Variants in SOCS3 observed in about 807,000 individuals in gnomAD.
SOCS3 encodes STAT-induced STAT inhibitor 3.
In SOCS3, 5 loss-of-function variants were observed where a neutral mutation model predicts 11.7. The observed-to-expected ratio is 0.43, with a 90% CI of 0.22 to 0.90. The LOEUF (loss-of-function observed/expected upper bound fraction) is 0.90. SOCS3 is among the 40% of genes least tolerant of loss of function. The pLI, the probability that SOCS3 is intolerant of heterozygous loss-of-function variation, is 0.27. For missense variants in SOCS3, 203 were observed against 302.0 expected (o/e 0.67, Z 2.43); for synonymous variants, 143 against 136.3 (o/e 1.05, Z -0.34).
chr17:78,358,801 C>G lies in SOCS3; in HGVS notation c.295G>C (p.Gly99Arg). The change falls in exon 2 of 2, where the codon GGG becomes CGG. Residue 99 changes from glycine to arginine, a missense_variant. Transcript: ENST00000330871. This position sits in a 1 kb window ranked among gnomAD's most constrained non-coding sequence, Gnocchi z 4.7. ...GTKNLRIQCEGGSFSLQSDPR... is the reference protein window; with the variant it reads ...GTKNLRIQCERGSFSLQSDPR... ...TCGCTCTGCAGAGAGAAGCTGCCCC[C>G]CTCACACTGGATGCGCAGGTTCTTG... The G allele has an allele frequency of 1.2e-6, 2 of 1,613,206 alleles. No homozygotes were observed. The highest frequency in any genetic ancestry group is 1.3e-5 in the African/African-American group (1 of 75,046).
At chr17:78,359,518 C>T (rs1179701854) in intron 1 of SOCS3, among the ~76,000 whole-genome samples, 1 of 152,066 alleles carries the variant, frequency 6.6e-6, no homozygotes, top group Non-Finnish European at 1.5e-5. Flanking sequence ...CCAGTAGCCC[C>T]GGGCGGTGTG....
At position 78,359,078 on chromosome 17, in the gene SOCS3, C is replaced by T. The variant is rs895065588; in HGVS notation, c.18G>A (p.Lys6=). MVTHS[K]FPAAGMSRPL... is the part of the protein sequence containing the mutation. ...GGCGGCTCATCCCGGCGGCGGGAAA[C>T]TTGCTGTGGGTGACCATGGCGCACG... The change falls in exon 2 of 2, where the codon AAG becomes AAA. Residue 6 remains lysine, a synonymous_variant. Coordinates refer to ENST00000330871, the MANE Select transcript of SOCS3 (RefSeq NM_003955.5). 8 of 1,563,676 alleles carry T rather than the reference C, an allele frequency of 5.1e-6. No individual in the cohort carries two copies. The highest frequency in any genetic ancestry group is 6.1e-6 in the Non-Finnish European group (7 of 1,154,608).
chr17:78,358,184 G>A lies in SOCS3; in HGVS notation c.*234C>T. 2 of 550,272 alleles carry A rather than the reference G, an allele frequency of 3.6e-6. No individual in the cohort carries two copies. The highest frequency in any genetic ancestry group is 6.5e-6 in the Non-Finnish European group (2 of 307,442). 34.1% of individuals were successfully genotyped at this position (550,272 alleles called of 1,614,324 possible). A position where few individuals can be genotyped will look rare whatever the true frequency, so the allele number is the denominator to read the frequency against. ...TGCTATCGTCCCACCAGGACAGCTG[G>A]CTCCTCCGGAGAAGCTGGAGACTCA... On this transcript the variant is annotated 3_prime_UTR_variant, in exon 2 of 2. Transcript: ENST00000330871. The surrounding 1 kb of genome is among the most constrained non-coding windows in gnomAD (Gnocchi z 4.7).
In SOCS3 at chr17:78,358,870, G is replaced by C. The variant is rs760828090; in HGVS notation, c.226C>G (p.Gln76Glu). The change falls in exon 2 of 2, where the codon CAG becomes GAG. Residue 76 changes from glutamine (Q) to glutamate (E), a missense_variant. Coordinates refer to ENST00000330871, the MANE Select transcript of SOCS3 (RefSeq NM_003955.5). This position sits in a 1 kb window ranked among gnomAD's most constrained non-coding sequence, Gnocchi z 4.7. ...ACGCTGAGCGTGAAGAAGTGGCGCT[G>C]GTCCGAGCTGTCGCGGATCAGAAAG... ...GTFLIRDSSD[Q>E]RHFFTLSVKT... 6.2e-7 allele frequency: 1 copy of C among 1,612,202 alleles called. No individual in the cohort carries two copies. The highest frequency in any genetic ancestry group is 2.2e-5 in the East Asian group (1 of 44,824).
In SOCS3 at chr17:78,358,924, G is replaced by A. The variant is rs2081589252; in HGVS notation, c.172C>T (p.Leu58=). The A allele has an allele frequency of 5.6e-6, 9 of 1,595,922 alleles. No homozygotes were observed. Among genetic ancestry groups the A allele is most frequent in the Non-Finnish European group, 7.7e-6 (9 of 1,172,630 alleles). The part of the protein sequence containing the change: ...WSAVTGGEAN[L]LLSAEPAGTF... The stretch of plus-strand genomic sequence containing the variant: ...CCGGCGGGCTCGGCACTGAGCAGCA[G>A]GTTCGCCTCGCCGCCGGTCACTGCG... Residue 58 remains leucine, a synonymous_variant, in exon 2 of 2, where the codon CTG becomes TTG. Coordinates refer to ENST00000330871, the MANE Select transcript of SOCS3 (RefSeq NM_003955.5). The surrounding 1 kb of genome is among the most constrained non-coding windows in gnomAD (Gnocchi z 4.7).
rs1378657877 is a variant in SOCS3, at chr17:78,358,859, G to A, written c.237C>T (p.Phe79=). ...ACTGGGTCTTGACGCTGAGCGTGAA[G>A]AAGTGGCGCTGGTCCGAGCTGTCGC... The part of the protein sequence containing the change: ...LIRDSSDQRH[F]FTLSVKTQSG... Residue 79 remains phenylalanine (F), a synonymous_variant, in exon 2 of 2, where the codon TTC becomes TTT. Coordinates refer to ENST00000330871, the MANE Select transcript of SOCS3 (RefSeq NM_003955.5). This position sits in a 1 kb window ranked among gnomAD's most constrained non-coding sequence, Gnocchi z 4.7. 4 of 1,612,644 alleles carry A rather than the reference G, an allele frequency of 2.5e-6. No individual in the cohort carries two copies. The highest frequency in any genetic ancestry group is 1.3e-5 in the African/African-American group (1 of 74,938).
chr17:78,358,384 T>C lies in SOCS3; in HGVS notation c.*34A>G. 1 of 1,606,922 alleles carries C rather than the reference T, an allele frequency of 6.2e-7. No homozygotes were observed. The highest frequency in any genetic ancestry group is 1.7e-5 in the Admixed American group (1 of 59,900). On this transcript the variant is annotated 3_prime_UTR_variant, in exon 2 of 2. Transcript: ENST00000330871. The surrounding 1 kb of genome is among the most constrained non-coding windows in gnomAD (Gnocchi z 4.7). Reference sequence around the variant, plus strand: ...ACGGAGGAGAGGGGCCTGCGTCCCCTCTCCCGACCCATGCCCTTTGCGCCC... The same window carrying C: ...ACGGAGGAGAGGGGCCTGCGTCCCCCCTCCCGACCCATGCCCTTTGCGCCC...
At position 78,358,103 on chromosome 17, in the gene SOCS3, C is replaced by A. The variant is rs1034561877; in HGVS notation, c.*315G>T. ...CATTAGTTCAGCATTCCCGAAGTGT[C>A]CCCTGTTTGGAGGCAGAGGGGAAGC... On this transcript the variant is annotated 3_prime_UTR_variant, in exon 2 of 2. Transcript: ENST00000330871. The surrounding 1 kb of genome is among the most constrained non-coding windows in gnomAD (Gnocchi z 4.7). 8 of 386,398 alleles carry A rather than the reference C, an allele frequency of 2.1e-5. No individual in the cohort carries two copies. Among genetic ancestry groups the A allele is most frequent in the Non-Finnish European group, 3.4e-5 (7 of 208,732 alleles). The allele number at this position is 386,398 out of a possible 1,614,324, so 23.9% of individuals were successfully genotyped here. A position where few individuals can be genotyped will look rare whatever the true frequency, so the allele number is the denominator to read the frequency against.
At chr17:78,360,814 C>T (rs956883363), upstream of SOCS3, 10 of 152,792 alleles carry the variant, frequency 6.5e-5, no homozygotes, top group Middle Eastern at 3.4e-3. This position sits in a 1 kb window ranked among gnomAD's most constrained non-coding sequence, Gnocchi z 5.6. Flanking sequence ...GCCCCCCTCC[C>T]CTCCCCTATG....
rs746648338 is a variant in SOCS3 at position 78,358,758 on chromosome 17, G to A, written c.338C>T (p.Pro113Leu). Reference sequence around the variant, plus strand: ...GAGCACGCAGTCGAAGCGGGGCACGGGCTGCGTGCTCCGGGGATCGCTCTG... The same window carrying A: ...GAGCACGCAGTCGAAGCGGGGCACGAGCTGCGTGCTCCGGGGATCGCTCTG... ...SLQSDPRSTQ[P>L]VPRFDCVLKL... is the part of the protein sequence containing the mutation. The change falls in exon 2 of 2, where the codon CCC (proline) becomes CTC (leucine). Residue 113 changes from proline to leucine, a missense_variant. Transcript: ENST00000330871. The surrounding 1 kb of genome is among the most constrained non-coding windows in gnomAD (Gnocchi z 4.7). The A allele has an allele frequency of 6.2e-7, 1 of 1,612,908 alleles. No homozygotes were observed. Among genetic ancestry groups the A allele is most frequent in the African/African-American group, 1.3e-5 (1 of 74,904 alleles).
chr17:78,358,939 C>G lies in SOCS3; in HGVS notation c.157G>C (p.Gly53Arg). ...ESGFYWSAVT[G>R]GEANLLLSAE... The stretch of plus-strand genomic sequence containing the variant: ...CTGAGCAGCAGGTTCGCCTCGCCGC[C>G]GGTCACTGCGCTCCAGTAGAAGCCG... Residue 53 changes from glycine (G) to arginine (R), a missense_variant, in exon 2 of 2, where the codon GGC becomes CGC. By Grantham distance (125) the Gly-to-Arg change is moderately radical. Around this residue, in one of 3 missense-constraint regions of SOCS3, gnomAD observed 57 missense variants for 74.2 expected, o/e 0.77. Coordinates refer to ENST00000330871, the MANE Select transcript of SOCS3 (RefSeq NM_003955.5). This position sits in a 1 kb window ranked among gnomAD's most constrained non-coding sequence, Gnocchi z 4.7. The G allele has an allele frequency of 6.3e-7, 1 of 1,588,938 alleles. No individual in the cohort carries two copies. The highest frequency in any genetic ancestry group is 8.6e-7 in the Non-Finnish European group (1 of 1,168,932).
chr17:78,358,622 C>T lies in SOCS3; in HGVS notation c.474G>A (p.Gly158=), dbSNP rs1220386001. The T allele has an allele frequency of 1.2e-6, 2 of 1,609,116 alleles. No individual in the cohort carries two copies. The highest frequency in any genetic ancestry group is 1.7e-6 in the Non-Finnish European group (2 of 1,177,074). Residue 158 remains glycine, a synonymous_variant, in exon 2 of 2, where the codon GGG becomes GGA. Coordinates refer to ENST00000330871, the MANE Select transcript of SOCS3 (RefSeq NM_003955.5). The surrounding 1 kb of genome is among the most constrained non-coding windows in gnomAD (Gnocchi z 4.7). The stretch of plus-strand genomic sequence containing the variant: ...TGTAATAGGCTCTTCTGGGGGGACT[C>T]CCAGGGAGTGGCTGGGCAGACGGCT... ...PEQPSAQPLP[G]SPPRRAYYIY... is the part of the protein sequence containing the mutation.
In SOCS3 at chr17:78,359,024, G is replaced by C; in HGVS notation, c.72C>G (p.Thr24=). 1 of 1,575,424 alleles carries C rather than the reference G, an allele frequency of 6.3e-7. No homozygotes were observed. Residue 24 remains threonine (T), a synonymous_variant, in exon 2 of 2, where the codon ACC becomes ACG. Transcript: ENST00000330871. The part of the protein sequence containing the change: ...RPLDTSLRLK[T]FSSKSEYQLV... ...GCTGGTACTCGCTCTTGGAGCTGAA[G>C]GTCTTGAGGCGCAGGCTGGTGTCCA...
In SOCS3 at chr17:78,358,573, G is replaced by A; in HGVS notation, c.523C>T (p.Pro175Ser). The change falls in exon 2 of 2, where the codon CCC (proline) becomes TCC (serine). Residue 175 changes from proline to serine, a missense_variant. Pro to Ser is a moderately conservative substitution (Grantham distance 74). Around this residue, in one of 3 missense-constraint regions of SOCS3, gnomAD observed 141 missense variants for 200.5 expected, o/e 0.70. Transcript: ENST00000330871. The surrounding 1 kb of genome is among the most constrained non-coding windows in gnomAD (Gnocchi z 4.7). ...GAGAGGGGCCGGCTCAACACCAGGG[G>A]GATCTTCTCGCCCCCGGAGTAGATG... ...YYIYSGGEKI[P>S]LVLSRPLSSN... The A allele has an allele frequency of 6.2e-7, 1 of 1,613,140 alleles. No individual in the cohort carries two copies. Among genetic ancestry groups the A allele is most frequent in the South Asian group, 1.1e-5 (1 of 91,052 alleles).
In SOCS3 at chr17:78,359,136, A is replaced by T. The variant is rs779579757; in HGVS notation, c.-41T>A. ...CGTGGATCTGCGCGGCGGCGGCTGC[A>T]GCTGCTTCGCGGCCTCCGCACAGCG... On this transcript the variant is annotated 5_prime_UTR_variant, in exon 2 of 2. Coordinates refer to ENST00000330871, the MANE Select transcript of SOCS3 (RefSeq NM_003955.5). 6.6e-7 allele frequency: 1 copy of T among 1,520,320 alleles called. No individual in the cohort carries two copies. Among genetic ancestry groups the T allele is most frequent in the Non-Finnish European group, 8.8e-7 (1 of 1,131,940 alleles). The allele number at this position is 1,520,320 out of a possible 1,614,324, so 94.2% of individuals were successfully genotyped here.
Position 78,358,115 on chromosome 17 carries a change from G to C in SOCS3, c.*303C>G, listed in dbSNP as rs1006583319. 2.5e-6 allele frequency: 1 copy of C among 404,786 alleles called. No individual in the cohort carries two copies. Among genetic ancestry groups the C allele is most frequent in the Non-Finnish European group, 4.5e-6 (1 of 220,112 alleles). 25.1% of individuals were successfully genotyped at this position (404,786 alleles called of 1,614,324 possible). A position where few individuals can be genotyped will look rare whatever the true frequency, so the allele number is the denominator to read the frequency against. Reference sequence around the variant, plus strand: ...ATTCCCGAAGTGTCCCCTGTTTGGAGGCAGAGGGGAAGCTGAGGAATTGAA... The same window carrying C: ...ATTCCCGAAGTGTCCCCTGTTTGGACGCAGAGGGGAAGCTGAGGAATTGAA... On this transcript the variant is annotated 3_prime_UTR_variant, in exon 2 of 2. Transcript: ENST00000330871. The surrounding 1 kb of genome is among the most constrained non-coding windows in gnomAD (Gnocchi z 4.7).
chr17:78,358,567 C>G lies in SOCS3; in HGVS notation c.529G>C (p.Val177Leu). Residue 177 changes from valine (V) to leucine (L), a missense_variant, in exon 2 of 2, where the codon GTG (valine) becomes CTG (leucine). By Grantham distance (32) the Val-to-Leu change is conservative. Around this residue, in one of 3 missense-constraint regions of SOCS3, gnomAD observed 141 missense variants for 200.5 expected, o/e 0.70. Coordinates refer to ENST00000330871, the MANE Select transcript of SOCS3 (RefSeq NM_003955.5). The surrounding 1 kb of genome is among the most constrained non-coding windows in gnomAD (Gnocchi z 4.7). ...IYSGGEKIPL[V>L]LSRPLSSNVA... ...TTGGAGGAGAGGGGCCGGCTCAACA[C>G]CAGGGGGATCTTCTCGCCCCCGGAG... The G allele has an allele frequency of 6.2e-7, 1 of 1,613,210 alleles. No homozygotes were observed. The highest frequency in any genetic ancestry group is 8.5e-7 in the Non-Finnish European group (1 of 1,179,910).
chr17:78,359,247 C>G (rs985549825), intron 1 of SOCS3, 64 bp from the exon 2 acceptor site: 1 of 737,046 alleles, frequency 1.4e-6, no homozygotes, highest in Non-Finnish European at 2.0e-6. Flanking sequence ...CGGCCCGCCC[C>G]GGCTCCCCTG....
Position 78,358,600 on chromosome 17 carries a change from A to C in SOCS3, c.496T>G (p.Tyr166Asp). Residue 166 changes from tyrosine to aspartate, a missense_variant, in exon 2 of 2, where the codon TAC (tyrosine) becomes GAC (aspartate). Transcript: ENST00000330871. This position sits in a 1 kb window ranked among gnomAD's most constrained non-coding sequence, Gnocchi z 4.7. ...LPGSPPRRAY[Y>D]IYSGGEKIPL... ...ATCTTCTCGCCCCCGGAGTAGATGT[A>C]ATAGGCTCTTCTGGGGGGACTCCCA... 1 of 1,612,368 alleles carries C rather than the reference A, an allele frequency of 6.2e-7. No individual in the cohort carries two copies. Among genetic ancestry groups the C allele is most frequent in the Non-Finnish European group, 8.5e-7 (1 of 1,179,564 alleles).
Sources: allele counts gnomAD v4.1 joint callset (sites outside exome capture counted in the v4.1 genomes callset), GRCh38; gene constraint gnomAD v4.1.1; regional missense constraint gnomAD v4.1.1; non-coding constraint Gnocchi (gnomAD v3.1); transcripts MANE v1.5; gene names NCBI Gene and HGNC (gene_info 2026-07-23, HGNC 2026-07-21).